The following KCNAB1 variants were observed in gnomAD, a reference collection of about 807,000 sequenced individuals.
The protein encoded by KCNAB1 is voltage-gated potassium channel subunit beta-1.
In KCNAB1, 35 loss-of-function variants were observed where a neutral mutation model predicts 64.6. That is an observed-to-expected ratio of 0.54 (90% CI 0.41 to 0.72). The LOEUF is 0.72. Ranked by LOEUF, KCNAB1 falls within the 30% of genes least tolerant of loss-of-function variation. KCNAB1 has a pLI of 0.00. For synonymous variants in KCNAB1, 177 were observed against 183.8 expected, an observed-to-expected ratio of 0.96 and a Z score of 0.30; for missense variants, 401 against 512.9, an observed-to-expected ratio of 0.78 and a Z score of 2.11.
chr3:156,302,835 T>G (rs1360736275), intron 1 of KCNAB1, among the ~76,000 whole-genome samples: 3 of 152,188 alleles, frequency 2.0e-5, no homozygotes, highest in Non-Finnish European at 4.4e-5. Context: ...AAGCTGTAAT[T>G]AAAATGCTCA....
intron 1 of KCNAB1, among the ~76,000 whole-genome samples, chr3:156,218,279 GC>G (rs2108406546): frequency 6.6e-6 from 1 of 152,224 alleles, no homozygotes; most frequent in South Asian, 2.1e-4. Flanking sequence ...TAATCCCCCT[GC>G]GAATATAACT....
chr3:156,341,274 A>G (rs1724095454), intron 1 of KCNAB1, among the ~76,000 whole-genome samples: 1 of 152,222 alleles, frequency 6.6e-6, no homozygotes, highest in Non-Finnish European at 1.5e-5. Flanking sequence ...TGACCCTCAA[A>G]TGAGAGCAAC....
At chr3:156,458,457 C>A (rs1292452262) in intron 4 of KCNAB1, among the ~76,000 whole-genome samples, 1 of 152,210 alleles carries the variant, frequency 6.6e-6, no homozygotes, top group Non-Finnish European at 1.5e-5. Context: ...CACCTGCAGG[C>A]CTAATTCACC....
intron 1 of KCNAB1, among the ~76,000 whole-genome samples, chr3:156,342,237 T>C (rs1257698586): frequency 1.3e-5 from 2 of 152,236 alleles, no homozygotes. Context: ...CAGGTGGTGC[T>C]AGAGGTAGAC....
At chr3:156,306,693 G>A (rs1721514312) in intron 1 of KCNAB1, among the ~76,000 whole-genome samples, 1 of 152,204 alleles carries the variant, frequency 6.6e-6, no homozygotes, top group South Asian at 2.1e-4. Context: ...GCTCCCTGCA[G>A]CGTCCAAGGC....
intron 1 of KCNAB1, among the ~76,000 whole-genome samples, chr3:156,232,958 T>C (rs1027375729): frequency 6.6e-6 from 1 of 152,216 alleles, no homozygotes; most frequent in Non-Finnish European, 1.5e-5. Context: ...GTGTGGATTA[T>C]GATACCTTGG....
chr3:156,310,418 C>G (rs554634403), intron 1 of KCNAB1, among the ~76,000 whole-genome samples: 16 of 152,146 alleles, frequency 1.1e-4, no homozygotes, highest in African/African-American at 3.9e-4. Flanking sequence ...GTCCTGCAGG[C>G]CCTGAACACT....
At chr3:156,422,642 G>A (rs1304618281) in intron 2 of KCNAB1, among the ~76,000 whole-genome samples, 1 of 152,204 alleles carries the variant, frequency 6.6e-6, no homozygotes, top group African/African-American at 2.4e-5. Flanking sequence ...AATAAAAATT[G>A]TCAAGTATGC....
chr3:156,179,831 C>A (rs539932708), intron 1 of KCNAB1, among the ~76,000 whole-genome samples: 56 of 152,262 alleles, frequency 3.7e-4, no homozygotes, highest in African/African-American at 1.3e-3. Context: ...GAGGAAAAAA[C>A]CACTTTTCTT....
intron 1 of KCNAB1, among the ~76,000 whole-genome samples, chr3:156,229,010 C>G (rs1256969643): frequency 6.6e-6 from 1 of 152,156 alleles, no homozygotes; most frequent in Non-Finnish European, 1.5e-5. Context: ...ACCCCAGAGG[C>G]ATCATTCCCC....
chr3:156,370,160 G>A (rs571299007), intron 1 of KCNAB1, among the ~76,000 whole-genome samples: 77 of 152,268 alleles, frequency 5.1e-4, no homozygotes, highest in African/African-American at 1.8e-3. Flanking sequence ...TTGACACTAG[G>A]ATAAGAGAGG....
chr3:156,296,897 G>T (rs1720820408), intron 1 of KCNAB1, among the ~76,000 whole-genome samples: 1 of 152,106 alleles, frequency 6.6e-6, no homozygotes, highest in Non-Finnish European at 1.5e-5. Context: ...TTCTCCAGTG[G>T]TTAAGCATGC....
intron 1 of KCNAB1, among the ~76,000 whole-genome samples, chr3:156,152,196 CTG>C (rs1182734017): frequency 1.3e-5 from 2 of 152,226 alleles, no homozygotes; most frequent in Non-Finnish European, 2.9e-5. Context: ...ATCCGGTCCC[CTG>C]TGTCCCTGTG....
chr3:156,535,767 A>G (rs1719011024), intron 13 of KCNAB1, among the ~76,000 whole-genome samples: 1 of 150,784 alleles, frequency 6.6e-6, no homozygotes, highest in Non-Finnish European at 1.5e-5. Flanking sequence ...TTAAGGCCCT[A>G]TTGCCTGGCT....
chr3:156,155,810 G>A (rs910693337), intron 1 of KCNAB1, among the ~76,000 whole-genome samples: 1 of 152,214 alleles, frequency 6.6e-6, no homozygotes, highest in Admixed American at 6.5e-5. Flanking sequence ...AAGTCATTAT[G>A]CTCATGGTCG....
At chr3:156,308,809 G>A (rs1721684770) in intron 1 of KCNAB1, among the ~76,000 whole-genome samples, 1 of 152,178 alleles carries the variant, frequency 6.6e-6, no homozygotes, top group Non-Finnish European at 1.5e-5. Flanking sequence ...AAAGCATCAG[G>A]AGTTTTGTCA....
intron 1 of KCNAB1, among the ~76,000 whole-genome samples, chr3:156,217,515 G>A (rs917741589): frequency 1.3e-5 from 2 of 152,166 alleles, no homozygotes; most frequent in African/African-American, 2.4e-5. Context: ...AGAGATTTTT[G>A]TTCTTTTGAA....
intron 1 of KCNAB1, among the ~76,000 whole-genome samples, chr3:156,231,340 A>G (rs559144679): frequency 2.6e-5 from 4 of 152,278 alleles, no homozygotes; most frequent in Admixed American, 6.5e-5. Flanking sequence ...TTACTTTCCA[A>G]TCTGACTCTG....
At chr3:156,279,416 G>A (rs1312382450) in intron 1 of KCNAB1, among the ~76,000 whole-genome samples, 5 of 152,042 alleles carry the variant, frequency 3.3e-5, no homozygotes, top group African/African-American at 1.2e-4. Flanking sequence ...GAATAATGCC[G>A]CAATAAACAT....
Sources: allele counts gnomAD v4.1 joint callset (sites outside exome capture counted in the v4.1 genomes callset), GRCh38; gene constraint gnomAD v4.1.1; transcripts MANE v1.5; gene names NCBI Gene and HGNC (gene_info 2026-07-23, HGNC 2026-07-21).